TMEM86B: variants seen among roughly 807,000 people sequenced by gnomAD.
TMEM86B encodes the protein lysoplasmalogenase TMEM86B.
In TMEM86B, 15 loss-of-function variants were observed where a neutral mutation model predicts 12.3. The ratio of observed to expected loss-of-function variants is 1.22; its 90% CI spans 0.81 to 1.87. The LOEUF (loss-of-function observed/expected upper bound fraction) is 1.87, where lower values mean the gene tolerates loss of function less well. TMEM86B is among the 40% of genes most tolerant of loss of function. TMEM86B has a pLI of 0.00. For missense variants in TMEM86B, 328 were observed against 297.4 expected (o/e 1.10, Z -0.76); for synonymous variants, 173 against 140.3 (o/e 1.23, Z -1.65).
In TMEM86B at chr19:55,228,327, G is replaced by A; in HGVS notation, c.162C>T (p.Cys54=). 6 of 1,613,898 alleles carry A rather than the reference G, an allele frequency of 3.7e-6. No homozygotes were observed. Among genetic ancestry groups the A allele is most frequent in the African/African-American group, 1.3e-5 (1 of 75,054 alleles). ...QLSWFAALVK[C]LPVLCLAGFL... ...ACCCAGCCAGGCAGAGGACGGGCAG[G>A]CACTTGACCAGGGCAGCGAACCAGG... The change falls in exon 2 of 3, where the codon TGC becomes TGT. Residue 54 remains cysteine, a synonymous_variant. Transcript: ENST00000327042.
Position 55,227,352 on chromosome 19 carries a change from C to G in TMEM86B, c.510G>C (p.Gly170=), listed in dbSNP as rs2087291951. The G allele has an allele frequency of 1.9e-6, 3 of 1,603,656 alleles. No homozygotes were observed. Among genetic ancestry groups the G allele is most frequent in the Admixed American group, 1.7e-5 (1 of 58,800 alleles). ...AGAGCAGCGCGCCCCAGCCGGCACT[C>G]CCGCCCTGGGCCAGGCCGCGCCACA... is the stretch of plus-strand genomic sequence containing the variant. The part of the protein sequence containing the change: ...AMLWRGLAQG[G]SAGWGALLFT... The change falls in exon 3 of 3, where the codon GGG becomes GGC. Residue 170 remains glycine, a synonymous_variant. Coordinates refer to ENST00000327042, the MANE Select transcript of TMEM86B (RefSeq NM_173804.5).
At chr19:55,228,040 A>G (rs1411553433) in intron 2 of TMEM86B, 151 bp downstream of exon 2, 43 of 1,339,800 alleles carry the variant, frequency 3.2e-5, no homozygotes, top group Non-Finnish European at 4.2e-5. Flanking sequence ...CCCTCGCTGG[A>G]GCGTGAGCTG....
chr19:55,227,341 C>T lies in TMEM86B; in HGVS notation c.521G>A (p.Trp174Ter). ...AGAGAGCGTGAAGAGCAGCGCGCCCCAGCCGGCACTCCCGCCCTGGGCCAG... is the reference window on the plus strand; with the variant it reads ...AGAGAGCGTGAAGAGCAGCGCGCCCTAGCCGGCACTCCCGCCCTGGGCCAG... ...RGLAQGGSAG[W>*]GALLFTLSDG... The change falls in exon 3 of 3, where the codon TGG becomes TAG. Residue 174 changes from tryptophan (W) to a stop codon, truncating the protein, a stop_gained. Coordinates refer to ENST00000327042, the MANE Select transcript of TMEM86B (RefSeq NM_173804.5). LOFTEE classifies it low-confidence loss of function (END_TRUNC). The T allele has an allele frequency of 6.2e-7, 1 of 1,605,412 alleles. No individual in the cohort carries two copies. The highest frequency in any genetic ancestry group is 2.2e-5 in the East Asian group (1 of 44,602).
intron 2 of TMEM86B, 150 bp downstream of exon 2, chr19:55,228,041 G>A (rs1245976842): frequency 2.2e-6 from 3 of 1,347,662 alleles, no homozygotes; most frequent in African/African-American, 1.5e-5. Flanking sequence ...CCTCGCTGGA[G>A]CGTGAGCTGC....
rs1475358459 is a variant in TMEM86B, at chr19:55,228,358, T to C, written c.131A>G (p.Gln44Arg). 25 of 1,613,886 alleles carry C rather than the reference T, an allele frequency of 1.5e-5. No homozygotes were observed. Among genetic ancestry groups the C allele is most frequent in the Non-Finnish European group, 2.0e-5 (24 of 1,180,008 alleles). The stretch of plus-strand genomic sequence containing the variant: ...GACCAGGGCAGCGAACCAGGACAGC[T>C]GGTCCTCGGGAATCCAGAGGCAGAA... The part of the protein sequence containing the change: ...VYFCLWIPED[Q>R]LSWFAALVKC... The change falls in exon 2 of 3, where the codon CAG (glutamine) becomes CGG (arginine). Residue 44 changes from glutamine (Q) to arginine (R), a missense_variant. Gln to Arg is a conservative substitution (Grantham distance 43, BLOSUM62 1). Coordinates refer to ENST00000327042, the MANE Select transcript of TMEM86B (RefSeq NM_173804.5).
At chr19:55,227,601 C>G (rs2087295390) in intron 2 of TMEM86B, 38 bp from the exon 3 acceptor site, 1 of 1,486,540 alleles carries the variant, frequency 6.7e-7, no homozygotes, top group African/African-American at 1.4e-5. Context: ...GAGGAAGGCC[C>G]ATCCTGGGAA....
In TMEM86B at chr19:55,228,659, C is replaced by G. The variant is rs772729985; in HGVS notation, c.51+32G>C. On this transcript the variant is annotated intron_variant, in intron 1 of 2. Coordinates refer to ENST00000327042, the MANE Select transcript of TMEM86B (RefSeq NM_173804.5). ...GCTGGGGTTCCAGGGCCCTGTCCCC[C>G]CAGCCCCAGGCACAGCTCAGAAGGC... 6.6e-5 allele frequency: 105 copies of G among 1,600,950 alleles called. No homozygotes were observed. In the East Asian group the frequency reaches 2.3e-3, roughly 35 times the overall value.
rs2087303279 is a variant in TMEM86B, at chr19:55,228,287, A to G, written c.202T>C (p.Ser68Pro). 6.2e-7 allele frequency: 1 copy of G among 1,613,434 alleles called. No individual in the cohort carries two copies. Among genetic ancestry groups the G allele is most frequent in the South Asian group, 1.1e-5 (1 of 91,018 alleles). Residue 68 changes from serine (S) to proline (P), a missense_variant, in exon 2 of 3, where the codon TCC becomes CCC. Transcript: ENST00000327042. ...LCLAGFLWVM[S>P]PSGGYTQLLQ... ...AGCTGGGTGTAGCCCCCGCTTGGGG[A>G]CATGACCCACAGGAACCCAGCCAGG...
Position 55,226,975 on chromosome 19 carries a change from G to A in TMEM86B, c.*206C>T, listed in dbSNP as rs534322827. On this transcript the variant is annotated 3_prime_UTR_variant, in exon 3 of 3. Transcript: ENST00000327042. Reference sequence around the variant, plus strand: ...CAGGGATCTGGAGTCAGAACCGGGGGAAGGCAGCTGGAACCCAGTAGTGGA... The same window carrying A: ...CAGGGATCTGGAGTCAGAACCGGGGAAAGGCAGCTGGAACCCAGTAGTGGA... 1.8e-5 allele frequency: 9 copies of A among 488,744 alleles called. No individual in the cohort carries two copies. Among genetic ancestry groups the A allele is most frequent in the African/African-American group, 1.6e-4 (8 of 50,430 alleles). The allele number at this position is 488,744 out of a possible 1,614,324, so 30.3% of individuals were successfully genotyped here. A position where few individuals can be genotyped will look rare whatever the true frequency, so the allele number is the denominator to read the frequency against.
Position 55,228,409 on chromosome 19 carries a change from G to A in TMEM86B, c.80C>T (p.Pro27Leu). Residue 27 changes from proline to leucine, a missense_variant, in exon 2 of 3, where the codon CCC becomes CTC. Transcript: ENST00000327042. ...QRPDVCRWLSPFILSCCVYFC... is the reference protein window; with the variant it reads ...QRPDVCRWLSLFILSCCVYFC... ...GTACACGCAGCAGGAGAGGATGAAG[G>A]GGCTCAGCCACCTGCAGACATCTGG... is the stretch of plus-strand genomic sequence containing the variant. 1 of 1,613,230 alleles carries A rather than the reference G, an allele frequency of 6.2e-7. No individual in the cohort carries two copies. Among genetic ancestry groups the A allele is most frequent in the Non-Finnish European group, 8.5e-7 (1 of 1,180,000 alleles).
Position 55,228,174 on chromosome 19 carries a change from C to T in TMEM86B, c.298+17G>A. On this transcript the variant is annotated intron_variant, in intron 2 of 2. Coordinates refer to ENST00000327042, the MANE Select transcript of TMEM86B (RefSeq NM_173804.5). ...TCACACGGGCATCTGGAAAGCGTCACAGCACCTTCCACTCACCAGGGACGA... is the reference window on the plus strand; with the variant it reads ...TCACACGGGCATCTGGAAAGCGTCATAGCACCTTCCACTCACCAGGGACGA... The T allele has an allele frequency of 6.2e-7, 1 of 1,601,200 alleles. No individual in the cohort carries two copies. The highest frequency in any genetic ancestry group is 8.5e-7 in the Non-Finnish European group (1 of 1,174,886).
At chr19:55,228,155 G>A (rs372526096) in intron 2 of TMEM86B, 36 bp downstream of exon 2, 13 of 1,578,050 alleles carry the variant, frequency 8.2e-6, no homozygotes, top group East Asian at 6.7e-5. Flanking sequence ...TCTCTCACAC[G>A]GGCATCTGGA....
At chr19:55,228,458 C>A in intron 1 of TMEM86B, 21 bp from the exon 2 acceptor site, 1 of 1,608,140 alleles carries the variant, frequency 6.2e-7, no homozygotes, top group Non-Finnish European at 8.5e-7. Flanking sequence ...TGGGGAGCTA[C>A]TGAGCCGAAA....
At chr19:55,227,913 G>T (rs2087298190) in intron 2 of TMEM86B, 1 of 623,872 alleles carries the variant, frequency 1.6e-6, no homozygotes, top group Non-Finnish European at 2.7e-6. Flanking sequence ...CTGCCCAAAT[G>T]TGACTTCCTC....
At position 55,226,984 on chromosome 19, in the gene TMEM86B, T is replaced by C; in HGVS notation, c.*197A>G. On this transcript the variant is annotated 3_prime_UTR_variant, in exon 3 of 3. Coordinates refer to ENST00000327042, the MANE Select transcript of TMEM86B (RefSeq NM_173804.5). ...GGAGTCAGAACCGGGGGAAGGCAGCTGGAACCCAGTAGTGGACTTGGAATT... is the reference window on the plus strand; with the variant it reads ...GGAGTCAGAACCGGGGGAAGGCAGCCGGAACCCAGTAGTGGACTTGGAATT... 1.9e-6 allele frequency: 1 copy of C among 531,346 alleles called. No individual in the cohort carries two copies. The highest frequency in any genetic ancestry group is 2.9e-6 in the Non-Finnish European group (1 of 340,252). 32.9% of individuals were successfully genotyped at this position (531,346 alleles called of 1,614,324 possible).
chr19:55,228,224 C>A lies in TMEM86B; in HGVS notation c.265G>T (p.Ala89Ser). The change falls in exon 2 of 3, where the codon GCT becomes TCT. Residue 89 changes from alanine (A) to serine (S), a missense_variant. By Grantham distance (99) the Ala-to-Ser change is moderately conservative. Transcript: ENST00000327042. ...AAGGCTGCCGGCCAGATGAGGCAAGCGTCCCCCACAGCCGAGCACACAAGG... is the reference window on the plus strand; with the variant it reads ...AAGGCTGCCGGCCAGATGAGGCAAGAGTCCCCCACAGCCGAGCACACAAGG... ...GALVCSAVGD[A>S]CLIWPAAFVP... 1 of 1,611,706 alleles carries A rather than the reference C, an allele frequency of 6.2e-7. No individual in the cohort carries two copies. Among genetic ancestry groups the A allele is most frequent in the Non-Finnish European group, 8.5e-7 (1 of 1,179,502 alleles).
At position 55,227,977 on chromosome 19, in the gene TMEM86B, C is replaced by T. The variant is rs958061077; in HGVS notation, c.298+214G>A. The T allele has an allele frequency of 6.8e-5, 56 of 826,914 alleles. 1 individual carries two copies. The highest frequency in any genetic ancestry group is 9.3e-5 in the Non-Finnish European group (51 of 545,846). The allele number at this position is 826,914 out of a possible 1,614,324, so 51.2% of individuals were successfully genotyped here. A position where few individuals can be genotyped will look rare whatever the true frequency, so the allele number is the denominator to read the frequency against. The stretch of plus-strand genomic sequence containing the variant: ...CAAACTGCAGTACCTCCAGCAGGTC[C>T]TCACTGCCCTCTGCGCCACCTCAGC... On this transcript the variant is annotated intron_variant, in intron 2 of 2. Coordinates refer to ENST00000327042, the MANE Select transcript of TMEM86B (RefSeq NM_173804.5).
At chr19:55,228,106 A>T in intron 2 of TMEM86B, 85 bp downstream of exon 2, 2 of 1,496,126 alleles carry the variant, frequency 1.3e-6, no homozygotes, top group Non-Finnish European at 1.8e-6. Context: ...CTCTCACAGG[A>T]GCCCTCTGCA....
chr19:55,227,645 A>G, intron 2 of TMEM86B, 82 bp from the exon 3 acceptor site: 1 of 1,437,966 alleles, frequency 7.0e-7, no homozygotes, highest in Non-Finnish European at 9.1e-7. Context: ...GCCTAAGAGA[A>G]GGACCATCCC....
Sources: gnomAD v4.1 joint callset for allele counts on GRCh38, gnomAD v4.1.1 for gene constraint, MANE v1.5 for transcripts, NCBI Gene and HGNC (gene_info 2026-07-23, HGNC 2026-07-21) for gene names.